Variants in SLIT2 observed in about 807,000 individuals in gnomAD.
SLIT2 encodes the protein slit guidance ligand 2.
SLIT2 carries 41 observed loss-of-function variants against 185.7 expected under a neutral mutation model. That is an observed-to-expected ratio of 0.22 (90% CI 0.17 to 0.29). The LOEUF is 0.29. Among genes scored for constraint, SLIT2 ranks in the 10% least tolerant of loss-of-function variants. SLIT2 has a pLI of 1.00. For missense variants in SLIT2, 1,571 were observed against 1,909.0 expected (o/e 0.82, Z 3.30); for synonymous variants, 693 against 680.2 (o/e 1.02, Z -0.29).
Position 20,610,091 on chromosome 4 carries a change from T to C in SLIT2, c.3771T>C (p.Asp1257=). The change falls in exon 34 of 37, where the codon GAT becomes GAC. Residue 1257 remains aspartate (D), a synonymous_variant. Transcript: ENST00000504154. ...ATCAGAGTCTCTCTTTGTCCGTGGA[T>C]GGTGGGAACCCCAAAATCATCACTA... ...ALDQSLSLSV[D]GGNPKIITNL... 1 of 1,613,882 alleles carries C rather than the reference T, an allele frequency of 6.2e-7. No homozygotes were observed. The highest frequency in any genetic ancestry group is 8.5e-7 in the Non-Finnish European group (1 of 1,179,802).
chr4:20,322,305 G>A (rs1180412976), intron 4 of SLIT2, among the ~76,000 whole-genome samples: 1 of 152,096 alleles, frequency 6.6e-6, no homozygotes, highest in African/African-American at 2.4e-5. Context: ...GACATTTTAG[G>A]GAGACATGAG....
intron 32 of SLIT2, 99 bp downstream of exon 32, chr4:20,596,754 T>G: frequency 8.4e-7 from 1 of 1,195,388 alleles, no homozygotes; most frequent in Non-Finnish European, 1.2e-6. Context: ...TAGTATGTCT[T>G]AAATAGACAG....
intron 4 of SLIT2, among the ~76,000 whole-genome samples, chr4:20,332,441 G>C (rs1720147523): frequency 6.6e-6 from 1 of 152,146 alleles, no homozygotes; most frequent in Admixed American, 6.5e-5. Flanking sequence ...AGGTGCGGTG[G>C]CTCACGCCTG....
chr4:20,589,886 A>T, intron 30 of SLIT2, 149 bp downstream of exon 30: 1 of 481,834 alleles, frequency 2.1e-6, no homozygotes, highest in Non-Finnish European at 3.8e-6. Context: ...TTAAATGTCG[A>T]TATACAATAT....
intron 4 of SLIT2, among the ~76,000 whole-genome samples, chr4:20,310,040 C>A (rs1257282745): frequency 6.6e-6 from 1 of 152,148 alleles, no homozygotes; most frequent in Non-Finnish European, 1.5e-5. Context: ...GGATTACAGG[C>A]GTGAGCCACC....
chr4:20,346,494 C>T (rs931216133), intron 4 of SLIT2, among the ~76,000 whole-genome samples: 3 of 152,234 alleles, frequency 2.0e-5, no homozygotes, highest in East Asian at 1.9e-4. Context: ...TAATAAATTA[C>T]GCTGTAACAG....
chr4:20,550,005 T>C (rs1723598452), intron 24 of SLIT2, among the ~76,000 whole-genome samples: 1 of 152,108 alleles, frequency 6.6e-6, no homozygotes, highest in African/African-American at 2.4e-5. Context: ...CTGTCAAGTA[T>C]ATTGGAAGGA....
chr4:20,310,008 G>A (rs28620032), intron 4 of SLIT2, among the ~76,000 whole-genome samples: 56,595 of 151,712 alleles, frequency 0.37, 10,979 homozygotes, highest in African/African-American at 0.47. Context: ...TGATCTGCCC[G>A]CCTCGGCCTC....
intron 26 of SLIT2, among the ~76,000 whole-genome samples, chr4:20,563,228 A>G (rs1374745124): frequency 6.6e-6 from 1 of 151,832 alleles, no homozygotes; most frequent in African/African-American, 2.4e-5. Flanking sequence ...ACCAAATCTT[A>G]AATCAATCCA....
At chr4:20,403,929 A>G (rs571088125) in intron 4 of SLIT2, among the ~76,000 whole-genome samples, 25 of 151,518 alleles carry the variant, frequency 1.6e-4, no homozygotes, top group South Asian at 4.2e-4. Context: ...GCAAACACCC[A>G]TAAGTTGGAA....
At chr4:20,503,829 CT>C (rs1335138108) in intron 9 of SLIT2, among the ~76,000 whole-genome samples, 2 of 152,056 alleles carry the variant, frequency 1.3e-5, no homozygotes, top group African/African-American at 4.8e-5. Context: ...AAAATGAGTA[CT>C]TTTGAGGAAC....
At chr4:20,397,420 T>G (rs1297931700) in intron 4 of SLIT2, among the ~76,000 whole-genome samples, 1 of 151,812 alleles carries the variant, frequency 6.6e-6, no homozygotes, top group Non-Finnish European at 1.5e-5. Context: ...TATAAATGAT[T>G]TAGTAGTTCA....
chr4:20,287,866 C>A (rs368924050), intron 4 of SLIT2, among the ~76,000 whole-genome samples: 1 of 151,930 alleles, frequency 6.6e-6, no homozygotes, highest in Admixed American at 6.6e-5. Flanking sequence ...TCAATAAGGT[C>A]TTTTCTTAAA....
chr4:20,618,411 A>G (rs1729844749), intron 36 of SLIT2, among the ~76,000 whole-genome samples: 1 of 152,224 alleles, frequency 6.6e-6, no homozygotes, highest in Non-Finnish European at 1.5e-5. Context: ...ATAAAATGGC[A>G]TACTCTCTGA....
At chr4:20,298,929 G>A (rs945884926) in intron 4 of SLIT2, among the ~76,000 whole-genome samples, 1 of 152,088 alleles carries the variant, frequency 6.6e-6, no homozygotes, top group Non-Finnish European at 1.5e-5. Flanking sequence ...TTTGGAAATT[G>A]GGGATTGTAA....
At chr4:20,355,540 C>T (rs1399778764) in intron 4 of SLIT2, among the ~76,000 whole-genome samples, 1 of 152,052 alleles carries the variant, frequency 6.6e-6, no homozygotes, top group East Asian at 1.9e-4. Context: ...TTAAAAAAGA[C>T]ATTTTCTTAA....
intron 28 of SLIT2, 139 bp downstream of exon 28, chr4:20,567,754 C>T: frequency 1.5e-6 from 1 of 663,632 alleles, no homozygotes; most frequent in Non-Finnish European, 2.7e-6. Context: ...ATTGGTCCCT[C>T]TCGTAGATAT....
chr4:20,474,408 A>G (rs1373906909), intron 5 of SLIT2, among the ~76,000 whole-genome samples: 4 of 152,094 alleles, frequency 2.6e-5, no homozygotes, highest in South Asian at 2.1e-4. Flanking sequence ...TTTGCTACCA[A>G]TAACCTCTCC....
At chr4:20,498,778 G>A (rs140577303) in intron 9 of SLIT2, among the ~76,000 whole-genome samples, 1,997 of 152,114 alleles carry the variant, frequency 0.013, 27 homozygotes, top group South Asian at 0.073. Context: ...ATATTCTACC[G>A]TGTCACATAT....
Sources: allele counts gnomAD v4.1 joint callset (sites outside exome capture counted in the v4.1 genomes callset), GRCh38; gene constraint gnomAD v4.1.1; transcripts MANE v1.5; gene names NCBI Gene and HGNC (gene_info 2026-07-23, HGNC 2026-07-21).